WSCD2: variants seen among roughly 807,000 people sequenced by gnomAD.
WSCD2 encodes sialate:O-sulfotransferase 2.
In WSCD2, 28 loss-of-function variants were observed where a neutral mutation model predicts 55.7. The ratio of observed to expected loss-of-function variants is 0.50; its 90% confidence interval spans 0.37 to 0.69. WSCD2 has a LOEUF of 0.69. Ranked by LOEUF, WSCD2 falls within the 30% of genes least tolerant of loss-of-function variation. WSCD2 has a pLI of 0.00. For synonymous variants in WSCD2, 301 were observed against 301.9 expected (o/e 1.00, Z 0.03); for missense variants, 616 against 762.1 (o/e 0.81, Z 2.26).
At chr12:108,240,704 C>G (rs1168113854) in intron 8 of WSCD2, among the ~76,000 whole-genome samples, 160 bp downstream of exon 8, 1 of 152,182 alleles carries the variant, frequency 6.6e-6, no homozygotes, top group Non-Finnish European at 1.5e-5. Context: ...TGCTCCAGTC[C>G]TTGCTTCCAG....
chr12:108,235,910 C>T (rs1178163310), intron 7 of WSCD2, among the ~76,000 whole-genome samples: 3 of 152,174 alleles, frequency 2.0e-5, no homozygotes, highest in Non-Finnish European at 2.9e-5. Context: ...CGCTTGCCCC[C>T]CAACAGCATC....
chr12:108,180,060 A>G (rs1380419028), intron 1 of WSCD2, among the ~76,000 whole-genome samples: 2 of 151,564 alleles, frequency 1.3e-5, no homozygotes, highest in African/African-American at 4.8e-5. Context: ...CAAAAAAAAA[A>G]AAAAAAAGAA....
rs185389241 is a variant in WSCD2 at position 108,178,556 on chromosome 12, G to A, written c.-551-16726G>A. Among the ~76,000 whole-genome samples, 338 of 152,214 alleles carry A rather than the reference G, an allele frequency of 2.2e-3. 5 individuals carry two copies. Among genetic ancestry groups the A allele is most frequent in the East Asian group, 9.7e-4 (5 of 5,180 alleles). On this transcript the variant is annotated intron_variant, in intron 1 of 8. Transcript: ENST00000547525. ...GATGTAAACTATGGCTGAATCATTC[G>A]ACATCTACATGCCAACGGGGCTTCA...
chr12:108,132,593 C>T (rs1385354676), intron 1 of WSCD2, among the ~76,000 whole-genome samples: 32 of 152,144 alleles, frequency 2.1e-4, no homozygotes, highest in Admixed American at 2.1e-3. Flanking sequence ...TATGTATATA[C>T]ACTTGTGAAT....
chr12:108,206,697 G>A (rs1169607439), intron 3 of WSCD2, among the ~76,000 whole-genome samples: 1 of 152,232 alleles, frequency 6.6e-6, no homozygotes, highest in Non-Finnish European at 1.5e-5. Context: ...CTGTGTTTGT[G>A]AGCTTAATGC....
chr12:108,208,132 AG>A (rs1386698124), intron 3 of WSCD2, among the ~76,000 whole-genome samples: 1 of 152,150 alleles, frequency 6.6e-6, no homozygotes, highest in Admixed American at 6.5e-5. Context: ...ACCTGATTCC[AG>A]GTGCTGGAGA....
chr12:108,143,042 C>T (rs1592875827), intron 1 of WSCD2, among the ~76,000 whole-genome samples: 2 of 152,296 alleles, frequency 1.3e-5, no homozygotes, highest in South Asian at 2.1e-4. Flanking sequence ...TCAAACTCCT[C>T]GCCTCAAGCG....
intron 1 of WSCD2, among the ~76,000 whole-genome samples, chr12:108,192,806 C>A (rs1883351078): frequency 6.6e-6 from 1 of 152,212 alleles, no homozygotes; most frequent in Admixed American, 6.5e-5. Flanking sequence ...GGGAAGCCCT[C>A]TATGGTTCCC....
At chr12:108,219,737 G>A (rs931487051) in intron 4 of WSCD2, among the ~76,000 whole-genome samples, 2 of 152,218 alleles carry the variant, frequency 1.3e-5, no homozygotes, top group African/African-American at 4.8e-5. Context: ...GAGCTGGTGG[G>A]CTTGGGATCC....
intron 1 of WSCD2, among the ~76,000 whole-genome samples, chr12:108,135,369 C>T (rs1876081298): frequency 6.6e-6 from 1 of 152,212 alleles, no homozygotes; most frequent in Admixed American, 6.5e-5. Flanking sequence ...AAGCTGGGTT[C>T]CAGTCCAGAC....
chr12:108,167,888 A>G (rs939538732), intron 1 of WSCD2, among the ~76,000 whole-genome samples: 1 of 152,240 alleles, frequency 6.6e-6, no homozygotes, highest in Non-Finnish European at 1.5e-5. Context: ...GGTCAACCCC[A>G]TGCAAGCCCC....
chr12:108,247,941 C>A, intron 8 of WSCD2, 50 bp from the exon 9 acceptor site: 1 of 1,573,408 alleles, frequency 6.4e-7, no homozygotes, highest in South Asian at 1.2e-5. Flanking sequence ...CTGACTGGGT[C>A]TTTCAAACTC....
At chr12:108,162,191 TC>T (rs1223123611) in intron 1 of WSCD2, among the ~76,000 whole-genome samples, 2 of 152,224 alleles carry the variant, frequency 1.3e-5, no homozygotes, top group African/African-American at 2.4e-5. Flanking sequence ...CCTCAGATTC[TC>T]TTCCAAGCCT....
intron 1 of WSCD2, among the ~76,000 whole-genome samples, chr12:108,166,795 T>TTCTG (rs1565928987): frequency 1.3e-5 from 2 of 149,478 alleles, no homozygotes; most frequent in Non-Finnish European, 3.0e-5. Flanking sequence ...CTTTCTGTCT[T>TTCTG]TCTTTCTTTC....
At chr12:108,170,771 G>A (rs1880160775) in intron 1 of WSCD2, among the ~76,000 whole-genome samples, 1 of 152,218 alleles carries the variant, frequency 6.6e-6, no homozygotes, top group Non-Finnish European at 1.5e-5. Context: ...GAAAGAGGAA[G>A]TATTTTTCTG....
intron 4 of WSCD2, among the ~76,000 whole-genome samples, chr12:108,222,271 T>A (rs1231731522): frequency 2.6e-5 from 4 of 152,238 alleles, no homozygotes; most frequent in African/African-American, 9.6e-5. Context: ...TTTGCTTTTT[T>A]CCAAAGGCTA....
intron 1 of WSCD2, among the ~76,000 whole-genome samples, chr12:108,146,000 T>C (rs1877344952): frequency 1.3e-5 from 2 of 152,216 alleles, no homozygotes; most frequent in African/African-American, 4.8e-5. Context: ...ACCATCGTCC[T>C]GAAGGTAGTT....
chr12:108,229,194 TG>T (rs1888472947), intron 6 of WSCD2, among the ~76,000 whole-genome samples: 1 of 152,240 alleles, frequency 6.6e-6, no homozygotes, highest in African/African-American at 2.4e-5. Flanking sequence ...CCACCAGGAC[TG>T]ACATTTATTG....
intron 8 of WSCD2, among the ~76,000 whole-genome samples, chr12:108,247,511 G>A (rs561464363): frequency 1.8e-4 from 28 of 152,200 alleles, no homozygotes; most frequent in Admixed American, 3.3e-4. Flanking sequence ...GAGAAGTATC[G>A]GGGTGTGTTT....
Sources: allele counts gnomAD v4.1 joint callset (sites outside exome capture counted in the v4.1 genomes callset), GRCh38; gene constraint gnomAD v4.1.1; transcripts MANE v1.5; gene names NCBI Gene and HGNC (gene_info 2026-07-23, HGNC 2026-07-21).